Variants in RPS6KA1 observed in about 807,000 individuals in gnomAD.
The protein encoded by RPS6KA1 is ribosomal protein S6 kinase A1.
A neutral mutation model predicts 91.3 loss-of-function variants in RPS6KA1; 48 were observed. The ratio of observed to expected loss-of-function variants is 0.53; its 90% CI spans 0.42 to 0.67. The LOEUF is 0.67. Among genes scored for constraint, RPS6KA1 ranks in the 30% least tolerant of loss-of-function variants. RPS6KA1 has a pLI of 0.00. For missense variants in RPS6KA1, 719 were observed against 960.5 expected (o/e 0.75, Z 3.32); for synonymous variants, 359 against 384.7 (o/e 0.93, Z 0.78).
At position 26,555,303 on chromosome 1, in the gene RPS6KA1, T is replaced by A; in HGVS notation, c.827+82T>A. On this transcript the variant is annotated intron_variant, in intron 10 of 21. Transcript: ENST00000374168. This position sits in a 1 kb window ranked among gnomAD's most constrained non-coding sequence, Gnocchi z 4.3. ...TGGGGGTCAGAATATTATTACCCTG[T>A]CCCTGCCTCAGCTACCCTCTCTAAT... The A allele has an allele frequency of 2.9e-6, 4 of 1,372,122 alleles. No individual in the cohort carries two copies. The highest frequency in any genetic ancestry group is 2.1e-6 in the Non-Finnish European group (2 of 970,794). 85.0% of individuals were successfully genotyped at this position (1,372,122 alleles called of 1,614,324 possible).
rs867137591 is a variant in RPS6KA1 at position 26,545,350 on chromosome 1, G to C, written c.109-1517G>C. On this transcript the variant is annotated intron_variant, in intron 2 of 21. Transcript: ENST00000374168. ...CGCCTGGCCAATTTTTTTTTTTTTTGTATTTTTAGTAGAGACAGGGTTTCA... is the reference window on the plus strand; with the variant it reads ...CGCCTGGCCAATTTTTTTTTTTTTTCTATTTTTAGTAGAGACAGGGTTTCA... Among the ~76,000 whole-genome samples the C allele has an allele frequency of 3.3e-4, 32 of 96,108 alleles. 1 individual carries two copies. The highest frequency in any genetic ancestry group is 2.7e-3 in the Admixed American group (28 of 10,224). 63.1% of individuals were successfully genotyped at this position (96,108 alleles called of 152,430 possible).
intron 2 of RPS6KA1, among the ~76,000 whole-genome samples, chr1:26,538,006 G>A (rs1374624037): frequency 1.3e-5 from 2 of 152,210 alleles, no homozygotes; most frequent in African/African-American, 4.8e-5. Flanking sequence ...TTGAACACCA[G>A]ACCTGCCATA....
chr1:26,564,706 A>AT (rs759115257), intron 17 of RPS6KA1, among the ~76,000 whole-genome samples: 32 of 152,120 alleles, frequency 2.1e-4, no homozygotes, highest in Non-Finnish European at 4.4e-4. Context: ...ATTATGTCTA[A>AT]TTTTTTAGGG....
At position 26,558,151 on chromosome 1, in the gene RPS6KA1, C is replaced by G. The variant is rs539681458; in HGVS notation, c.1085-656C>G. Among the ~76,000 whole-genome samples, 1 of 152,108 alleles carries G rather than the reference C, an allele frequency of 6.6e-6. No individual in the cohort carries two copies. The highest frequency in any genetic ancestry group is 1.9e-4 in the East Asian group (1 of 5,182). Reference sequence around the variant, plus strand: ...CTTCTCCAAGCAGTCCGCTGGGCAACGTGACAAGTGCAGCTTCGTAGGAGT... The same window carrying G: ...CTTCTCCAAGCAGTCCGCTGGGCAAGGTGACAAGTGCAGCTTCGTAGGAGT... On this transcript the variant is annotated intron_variant, in intron 13 of 21. Transcript: ENST00000374168. This position sits in a 1 kb window ranked among gnomAD's most constrained non-coding sequence, Gnocchi z 4.0.
Position 26,540,124 on chromosome 1 carries a change from C to T in RPS6KA1, c.108+3155C>T, listed in dbSNP as rs991272889. Among the ~76,000 whole-genome samples, 9 of 152,184 alleles carry T rather than the reference C, an allele frequency of 5.9e-5. No homozygotes were observed. Among genetic ancestry groups the T allele is most frequent in the African/African-American group, 2.2e-4 (9 of 41,446 alleles). ...TGTGGCTGGGCTCTGTCCCTTCAGC[C>T]TGCCCAGGGGAGACCCCACAGCAGT... On this transcript the variant is annotated intron_variant, in intron 2 of 21. Transcript: ENST00000374168. The surrounding 1 kb of genome is among the most constrained non-coding windows in gnomAD (Gnocchi z 4.2).
intron 17 of RPS6KA1, among the ~76,000 whole-genome samples, chr1:26,567,951 C>T (rs1185541897): frequency 6.6e-6 from 1 of 152,184 alleles, no homozygotes; most frequent in Non-Finnish European, 1.5e-5. Context: ...ACACCCTGGC[C>T]TGCCCGACTC....
rs2076076953 is a variant in RPS6KA1, at chr1:26,554,073, C to T, written c.576-141C>T. 1 of 816,428 alleles carries T rather than the reference C, an allele frequency of 1.2e-6. No individual in the cohort carries two copies. Among genetic ancestry groups the T allele is most frequent in the Admixed American group, 2.7e-5 (1 of 37,078 alleles). The allele number at this position is 816,428 out of a possible 1,614,324, so 50.6% of individuals were successfully genotyped here. On this transcript the variant is annotated intron_variant, in intron 7 of 21. Transcript: ENST00000374168. The surrounding 1 kb of genome is among the most constrained non-coding windows in gnomAD (Gnocchi z 4.6). ...CACCCCTGCGTGGTACTGCTACCAC[C>T]CTGCAACACCCGCCCAGTCATCAGA...
chr1:26,536,836 G>A, intron 1 of RPS6KA1, 89 bp from the exon 2 acceptor site: 2 of 1,461,184 alleles, frequency 1.4e-6, no homozygotes, highest in African/African-American at 1.4e-5. Flanking sequence ...GCTATTGGGA[G>A]CACCTAAGGG....
At position 26,547,359 on chromosome 1, in the gene RPS6KA1, C is replaced by A; in HGVS notation, c.307+89C>A. ...AGGGCCTTGGGTCTGGCAAGGGAGA[C>A]AGCTCTGTCTTCAGGAGCACCTAGT... On this transcript the variant is annotated intron_variant, in intron 4 of 21. Transcript: ENST00000374168. This position sits in a 1 kb window ranked among gnomAD's most constrained non-coding sequence, Gnocchi z 4.1. 1 of 1,044,200 alleles carries A rather than the reference C, an allele frequency of 9.6e-7. No individual in the cohort carries two copies. Among genetic ancestry groups the A allele is most frequent in the Non-Finnish European group, 1.5e-6 (1 of 688,594 alleles). The allele number at this position is 1,044,200 out of a possible 1,614,324, so 64.7% of individuals were successfully genotyped here. A position where few individuals can be genotyped will look rare whatever the true frequency, so the allele number is the denominator to read the frequency against.
At chr1:26,562,190 C>T (rs146166001) in intron 17 of RPS6KA1, among the ~76,000 whole-genome samples, 8 of 152,122 alleles carry the variant, frequency 5.3e-5, no homozygotes, top group South Asian at 4.2e-4. Flanking sequence ...GGCAACAGAG[C>T]GAAACTCCAT....
At position 26,554,521 on chromosome 1, in the gene RPS6KA1, G is replaced by C; in HGVS notation, c.614-75G>C. 6 of 1,543,966 alleles carry C rather than the reference G, an allele frequency of 3.9e-6. No individual in the cohort carries two copies. The highest frequency in any genetic ancestry group is 5.3e-6 in the Non-Finnish European group (6 of 1,137,606). On this transcript the variant is annotated intron_variant, in intron 8 of 21. Coordinates refer to ENST00000374168, the MANE Select transcript of RPS6KA1 (RefSeq NM_002953.4). This position sits in a 1 kb window ranked among gnomAD's most constrained non-coding sequence, Gnocchi z 4.6. Reference sequence around the variant, plus strand: ...GATGCCTTCTGGCCTCTGGGCACGGGGGTTGGGTGTGCAAAGGGTGGCAGC... The same window carrying C: ...GATGCCTTCTGGCCTCTGGGCACGGCGGTTGGGTGTGCAAAGGGTGGCAGC...
chr1:26,538,515 C>T (rs139474346), intron 2 of RPS6KA1, among the ~76,000 whole-genome samples: 6 of 152,258 alleles, frequency 3.9e-5, no homozygotes, highest in Middle Eastern at 3.4e-3. Flanking sequence ...AGAGACAGGG[C>T]TGGAGATGGA....
chr1:26,574,753 A>G lies in RPS6KA1; in HGVS notation c.*552A>G. ...GAGTTCTAGAACCACTTCCTGCTAC[A>G]GGAGGGGTCTCATGTCCTGCTGGCT... On this transcript the variant is annotated 3_prime_UTR_variant, in exon 22 of 22. Transcript: ENST00000374168. The surrounding 1 kb of genome is among the most constrained non-coding windows in gnomAD (Gnocchi z 4.3). 2.5e-5 allele frequency: 7 copies of G among 283,934 alleles called. No individual in the cohort carries two copies. Among genetic ancestry groups the G allele is most frequent in the Admixed American group, 9.8e-5 (2 of 20,498 alleles). 17.6% of individuals were successfully genotyped at this position (283,934 alleles called of 1,614,324 possible). A position where few individuals can be genotyped will look rare whatever the true frequency, so the allele number is the denominator to read the frequency against.
At chr1:26,530,180 C>G (rs12057924) in intron 1 of RPS6KA1, among the ~76,000 whole-genome samples, 197 bp downstream of exon 1, 135,506 of 152,178 alleles carry the variant, frequency 0.89, 60,997 homozygotes, top group Non-Finnish European at 0.96. Context: ...CGCCAAGCGC[C>G]GACTACCTCC....
At position 26,547,270 on chromosome 1, in the gene RPS6KA1, G is replaced by A. The variant is rs1222994940; in HGVS notation, c.307G>A (p.Val103Ile). The A allele has an allele frequency of 6.2e-7, 1 of 1,613,198 alleles. No individual in the cohort carries two copies. Among genetic ancestry groups the A allele is most frequent in the South Asian group, 1.1e-5 (1 of 90,956 alleles). ...MKVLKKATLK[V>I]RDRVRTKMER... ...GGTGCTGAAGAAGGCAACGCTGAAA[G>A]GTGAGTGGGGACACCTCCCTGTGCA... is the stretch of plus-strand genomic sequence containing the variant. The change falls in exon 4 of 22, where the codon GTA (valine) becomes ATA (isoleucine). Residue 103 changes from valine to isoleucine, a missense_variant and splice_region_variant. Val to Ile is a conservative substitution (Grantham distance 29). Around this residue, in one of 5 missense-constraint regions of RPS6KA1, gnomAD observed 159 missense variants for 264.5 expected, o/e 0.60. Transcript: ENST00000374168. This position sits in a 1 kb window ranked among gnomAD's most constrained non-coding sequence, Gnocchi z 4.1.
intron 2 of RPS6KA1, among the ~76,000 whole-genome samples, chr1:26,543,372 G>A (rs562919467): frequency 1.3e-5 from 2 of 152,350 alleles, no homozygotes; most frequent in Admixed American, 1.3e-4. Flanking sequence ...GACAGGTGAG[G>A]TGGAGGTTCA....
rs11113 is a variant in RPS6KA1, at chr1:26,574,599, C to T, written c.*398C>T. The T allele has an allele frequency of 0.6, 233,468 of 389,256 alleles. 70,859 individuals are homozygous for T. The highest frequency in any genetic ancestry group is 0.72 in the East Asian group (10,202 of 14,200). 24.1% of individuals were successfully genotyped at this position (389,256 alleles called of 1,614,324 possible). A position where few individuals can be genotyped will look rare whatever the true frequency, so the allele number is the denominator to read the frequency against. On this transcript the variant is annotated 3_prime_UTR_variant, in exon 22 of 22. Transcript: ENST00000374168. The surrounding 1 kb of genome is among the most constrained non-coding windows in gnomAD (Gnocchi z 4.3). ...TGGGATCCCACCCTGGGGACCCCCA[C>T]GATTGGCCACCTGTAGCCATCTGCA... is the stretch of plus-strand genomic sequence containing the variant.
At chr1:26,567,882 G>A (rs1452811610) in intron 17 of RPS6KA1, among the ~76,000 whole-genome samples, 6 of 152,108 alleles carry the variant, frequency 3.9e-5, no homozygotes, top group Admixed American at 6.5e-5. Flanking sequence ...GAGGGCTACA[G>A]ATGTTAAATG....
At chr1:26,530,713 C>G in intron 1 of RPS6KA1, 1 of 1,267,398 alleles carries the variant, frequency 7.9e-7, no homozygotes, top group South Asian at 1.3e-5. Context: ...CCAGCCCAGA[C>G]TCCCCAGACA....
Sources: allele counts gnomAD v4.1 joint callset (sites outside exome capture counted in the v4.1 genomes callset), GRCh38; gene constraint gnomAD v4.1.1; regional missense constraint gnomAD v4.1.1; non-coding constraint Gnocchi (gnomAD v3.1); transcripts MANE v1.5; gene names NCBI Gene and HGNC (gene_info 2026-07-23, HGNC 2026-07-21).